Variants in RP1 observed in about 807,000 individuals in gnomAD.
The protein encoded by RP1 is RP1 axonemal microtubule associated, also known as oxygen-regulated protein 1.
A neutral mutation model predicts 14.8 loss-of-function variants in RP1; 16 were observed. That is an observed-to-expected ratio of 1.08 (90% CI 0.73 to 1.65). The LOEUF (loss-of-function observed/expected upper bound fraction) is 1.65, where lower values mean the gene tolerates loss of function less well. RP1 is among the 40% of genes most tolerant of loss of function. The pLI is 0.00. For missense variants in RP1, 2,631 were observed against 2,535.0 expected, an observed-to-expected ratio of 1.04 and a Z score of -0.81; for synonymous variants, 876 against 883.6, an observed-to-expected ratio of 0.99 and a Z score of 0.15.
At chr8:54,756,610 T>C (rs1809512795) in intron 21 of RP1, among the ~76,000 whole-genome samples, 1 of 152,216 alleles carries the variant, frequency 6.6e-6, no homozygotes, top group South Asian at 2.1e-4. Flanking sequence ...AGGAATGAAT[T>C]ATTAATTTTA....
At chr8:54,567,809 C>T (rs1586387690) in intron 1 of RP1, among the ~76,000 whole-genome samples, 1 of 152,088 alleles carries the variant, frequency 6.6e-6, no homozygotes, top group African/African-American at 2.4e-5. Context: ...CCTATACATC[C>T]AAATGATTTA....
chr8:54,582,709 A>G (rs1419331110), intron 1 of RP1, among the ~76,000 whole-genome samples: 1 of 152,060 alleles, frequency 6.6e-6, no homozygotes, highest in Non-Finnish European at 1.5e-5. Flanking sequence ...TCCTTGAAGA[A>G]GTCCTTCACA....
At chr8:54,573,771 T>C (rs1046129343) in intron 1 of RP1, among the ~76,000 whole-genome samples, 1 of 152,192 alleles carries the variant, frequency 6.6e-6, no homozygotes, top group Non-Finnish European at 1.5e-5. Context: ...GTGTTGAATA[T>C]ACATGGCATT....
At chr8:54,656,973 T>G (rs917591544) in intron 6 of RP1, among the ~76,000 whole-genome samples, 1 of 152,046 alleles carries the variant, frequency 6.6e-6, no homozygotes, top group African/African-American at 2.4e-5. Context: ...TACCAACCTG[T>G]GTAGTTTTTT....
intron 24 of RP1, among the ~76,000 whole-genome samples, chr8:54,810,497 C>T (rs1354065463): frequency 6.6e-6 from 1 of 152,148 alleles, no homozygotes; most frequent in African/African-American, 2.4e-5. Flanking sequence ...CCTTCATAGG[C>T]GTGATGTCTC....
In RP1 at chr8:54,626,069, A is replaced by G. The variant is rs1806036391; in HGVS notation, c.2187A>G (p.Glu729=). The change falls in exon 4 of 4, where the codon GAA becomes GAG. Residue 729 remains glutamate (E), a synonymous_variant. Transcript: ENST00000220676. Reference sequence around the variant, plus strand: ...TTAAAGGAGGGATACTTTGTGAGGAAGACCTCCAGAAAAGTGATACTGTAA... The same window carrying G: ...TTAAAGGAGGGATACTTTGTGAGGAGGACCTCCAGAAAAGTGATACTGTAA... The part of the protein sequence containing the change: ...SPLKGGILCE[E]DLQKSDTVIE... The G allele has an allele frequency of 6.2e-7, 1 of 1,613,544 alleles. No individual in the cohort carries two copies. Among genetic ancestry groups the G allele is most frequent in the African/African-American group, 1.3e-5 (1 of 74,892 alleles).
intron 28 of RP1, among the ~76,000 whole-genome samples, chr8:54,869,053 AC>A (rs1313136181): frequency 1.3e-5 from 2 of 152,184 alleles, no homozygotes; most frequent in African/African-American, 4.8e-5. Context: ...GCACACAGAT[AC>A]TCATTTGATC....
intron 24 of RP1, among the ~76,000 whole-genome samples, chr8:54,789,751 G>A (rs748875692): frequency 2.0e-5 from 3 of 152,136 alleles, no homozygotes; most frequent in Non-Finnish European, 4.4e-5. Flanking sequence ...AAACTGCAGG[G>A]CACAATCTAC....
At chr8:54,686,554 G>A (rs1266478570) in intron 12 of RP1, among the ~76,000 whole-genome samples, 1 of 152,126 alleles carries the variant, frequency 6.6e-6, no homozygotes, top group Non-Finnish European at 1.5e-5. Flanking sequence ...AGCATGAGAA[G>A]TTCTTTGAAA....
chr8:54,710,210 G>T (rs7815076), intron 15 of RP1, among the ~76,000 whole-genome samples: 45,523 of 152,108 alleles, frequency 0.3, 8,332 homozygotes, highest in Middle Eastern at 0.48. Context: ...CTTGCAACAG[G>T]GGTGCCCATT....
intron 1 of RP1, among the ~76,000 whole-genome samples, chr8:54,606,878 A>G (rs1165883595): frequency 2.6e-5 from 4 of 152,214 alleles, no homozygotes; most frequent in Admixed American, 6.5e-5. Context: ...TTCTCGTGCC[A>G]TGGTTTTCAG....
chr8:54,632,532 C>CTAA (rs1563334606), downstream of RP1, among the ~76,000 whole-genome samples: 2 of 152,136 alleles, frequency 1.3e-5, no homozygotes, highest in African/African-American at 4.8e-5. Context: ...TGGTAAGTAC[C>CTAA]TAATAAATGT....
At chr8:54,772,709 T>A (rs1334627999), downstream of RP1, among the ~76,000 whole-genome samples, 2 of 152,224 alleles carry the variant, frequency 1.3e-5, no homozygotes, top group Non-Finnish European at 1.5e-5. Context: ...AGAATTTGAA[T>A]GCAAGTGGTT....
At chr8:54,804,473 G>A (rs1280030708) in intron 24 of RP1, among the ~76,000 whole-genome samples, 1 of 151,926 alleles carries the variant, frequency 6.6e-6, no homozygotes, top group Admixed American at 6.6e-5. Context: ...TGTAATGTGG[G>A]ATAAAGCACA....
chr8:54,756,040 CA>C (rs1166753540), intron 21 of RP1, among the ~76,000 whole-genome samples: 2 of 152,026 alleles, frequency 1.3e-5, no homozygotes, highest in African/African-American at 4.8e-5. Context: ...AAAATGAACT[CA>C]AAAGACAAGG....
intron 15 of RP1, among the ~76,000 whole-genome samples, chr8:54,718,796 A>C (rs1808466913): frequency 6.6e-6 from 1 of 152,204 alleles, no homozygotes; most frequent in South Asian, 2.1e-4. Flanking sequence ...GCAAAGCTAT[A>C]GACACAGTAA....
At chr8:54,835,495 G>A (rs1320653179) in intron 24 of RP1, among the ~76,000 whole-genome samples, 1 of 152,152 alleles carries the variant, frequency 6.6e-6, no homozygotes, top group African/African-American at 2.4e-5. Context: ...GCCAAACTTA[G>A]TTTTAATTTC....
chr8:54,749,438 G>A (rs1247287486), intron 19 of RP1, among the ~76,000 whole-genome samples: 3 of 152,154 alleles, frequency 2.0e-5, no homozygotes, highest in Non-Finnish European at 4.4e-5. Context: ...CTATGGCAGA[G>A]GGCAGTTGGC....
At chr8:54,586,560 C>T (rs561980258) in intron 1 of RP1, among the ~76,000 whole-genome samples, 1 of 152,234 alleles carries the variant, frequency 6.6e-6, no homozygotes, top group Admixed American at 6.5e-5. Context: ...ATAGGTTTCT[C>T]CTGCCTTTTG....
Sources: gnomAD v4.1 joint callset for allele counts (sites outside exome capture counted in the v4.1 genomes callset) on GRCh38, gnomAD v4.1.1 for gene constraint, MANE v1.5 for transcripts, NCBI Gene and HGNC (gene_info 2026-07-23, HGNC 2026-07-21) for gene names.